COBL: variants seen among roughly 807,000 people sequenced by gnomAD.
COBL encodes the protein cordon-bleu WH2 repeat protein, also known as protein cordon-bleu.
Under a neutral mutation model 98.8 loss-of-function variants are expected in COBL, and 51 were observed. That is an observed-to-expected ratio of 0.52 (90% CI 0.41 to 0.65). COBL has a LOEUF of 0.65. COBL is among the 30% of genes least tolerant of loss of function. The pLI, the probability that COBL is intolerant of heterozygous loss-of-function variation, is 0.00. For synonymous variants in COBL, 634 were observed against 651.7 expected, an observed-to-expected ratio of 0.97 and a Z score of 0.41; for missense variants, 1,617 against 1,617.5, an observed-to-expected ratio of 1.00 and a Z score of 0.01.
intron 1 of COBL, among the ~76,000 whole-genome samples, chr7:51,315,613 G>GGCGA (rs1031983836): frequency 1.3e-5 from 2 of 149,800 alleles, no homozygotes; most frequent in African/African-American, 4.8e-5. Context: ...ATTTGCTCCA[G>GGCGA]GCGAGCGAGC....
intron 5 of COBL, among the ~76,000 whole-genome samples, chr7:51,140,949 A>T (rs913418519): frequency 3.3e-5 from 5 of 152,128 alleles, no homozygotes; most frequent in Non-Finnish European, 7.4e-5. Context: ...AAAATTCTTG[A>T]AGATATCCTC....
intron 7 of COBL, among the ~76,000 whole-genome samples, chr7:51,049,196 G>A (rs1204760452): frequency 1.3e-5 from 2 of 152,088 alleles, no homozygotes; most frequent in East Asian, 3.9e-4. Flanking sequence ...AAAAAGATTC[G>A]CCACCAACTC....
intron 7 of COBL, among the ~76,000 whole-genome samples, chr7:51,063,136 CTCTT>C (rs893064174): frequency 1.4e-5 from 1 of 71,486 alleles, no homozygotes; most frequent in African/African-American, 6.1e-5. Flanking sequence ...CATTTTCTCT[CTCTT>C]TTTTTTTTTT....
intron 1 of COBL, among the ~76,000 whole-genome samples, chr7:51,255,859 C>T (rs778360933): frequency 2.6e-5 from 4 of 152,118 alleles, no homozygotes; most frequent in Non-Finnish European, 5.9e-5. Context: ...CTCAGCTGAC[C>T]GATGAGACTC....
chr7:51,274,232 C>T lies in COBL; in HGVS notation c.41+42361G>A, dbSNP rs924907938. On this transcript the variant is annotated intron_variant, in intron 1 of 12. Transcript: ENST00000265136. The stretch of plus-strand genomic sequence containing the variant: ...CTCACACCCAGCCTTGCTGCAACGC[C>T]TTCCCTCCCAAACACACCTTCCCTC... 2.0e-5 allele frequency among the ~76,000 whole-genome samples: 3 copies of T among 152,182 alleles called. No homozygotes were observed. The East Asian group carries it at 5.8e-4, about 29-fold the overall frequency.
chr7:51,138,661 C>T (rs1414127066), intron 5 of COBL, among the ~76,000 whole-genome samples: 1 of 151,966 alleles, frequency 6.6e-6, no homozygotes, highest in East Asian at 1.9e-4. Flanking sequence ...TGCACACACT[C>T]ACGCACATGT....
chr7:51,085,332 AT>A (rs1562890299), intron 6 of COBL, 28 bp from the exon 7 acceptor site: 1 of 499,832 alleles, frequency 2.0e-6, no homozygotes, highest in Admixed American at 6.2e-5. Flanking sequence ...GGAAAGTACA[AT>A]CAAAGTACTT....
At chr7:51,159,944 G>A (rs1002508258) in intron 5 of COBL, among the ~76,000 whole-genome samples, 7 of 152,210 alleles carry the variant, frequency 4.6e-5, no homozygotes, top group African/African-American at 1.7e-4. Flanking sequence ...CCAGGCTGGA[G>A]TGCAATGGCA....
intron 7 of COBL, among the ~76,000 whole-genome samples, chr7:51,067,608 G>GGA (rs1792075212): frequency 6.6e-6 from 1 of 152,156 alleles, no homozygotes; most frequent in East Asian, 1.9e-4. Context: ...CAGAGGATGG[G>GGA]GAGTCAGCCA....
At chr7:51,256,504 G>A (rs1251372149) in intron 1 of COBL, among the ~76,000 whole-genome samples, 3 of 152,208 alleles carry the variant, frequency 2.0e-5, no homozygotes, top group East Asian at 1.9e-4. Context: ...CCACACCCAC[G>A]TGGGCCTGGG....
intron 1 of COBL, among the ~76,000 whole-genome samples, chr7:51,309,099 G>A (rs780364893): frequency 2.6e-5 from 4 of 152,114 alleles, no homozygotes; most frequent in Non-Finnish European, 5.9e-5. Flanking sequence ...TAACACCTAC[G>A]TTCCCCCGGC....
In COBL at chr7:51,315,312, T is replaced by C. The variant is rs373488909; in HGVS notation, c.41+1281A>G. On this transcript the variant is annotated intron_variant, in intron 1 of 12. Transcript: ENST00000265136. ...AAACTTCTTTTTAACATTCCTCAGC[T>C]TCAGGATTATTTGATTTGCTAACCT... Among the ~76,000 whole-genome samples the C allele has an allele frequency of 2.6e-4, 40 of 151,256 alleles. No homozygotes were observed. In the South Asian group the frequency reaches 7.9e-3, roughly 30 times the overall value.
At chr7:51,308,300 T>A (rs956950941) in intron 1 of COBL, among the ~76,000 whole-genome samples, 2 of 152,196 alleles carry the variant, frequency 1.3e-5, no homozygotes, top group African/African-American at 4.8e-5. Flanking sequence ...TATTTTTAAA[T>A]ACAACTCCCA....
chr7:51,260,056 T>A (rs1797582798), intron 1 of COBL: 1 of 991,188 alleles, frequency 1.0e-6, no homozygotes, highest in East Asian at 2.4e-5. Context: ...TGCTCCTTCT[T>A]CTCCAAAAGT....
intron 6 of COBL, among the ~76,000 whole-genome samples, chr7:51,091,242 A>C (rs987854517): frequency 6.6e-6 from 1 of 152,256 alleles, no homozygotes; most frequent in Admixed American, 6.5e-5. Flanking sequence ...AAAAAATTAA[A>C]GTTCAGTGCA....
chr7:51,283,446 C>T (rs1279353233), intron 1 of COBL, among the ~76,000 whole-genome samples: 1 of 152,108 alleles, frequency 6.6e-6, no homozygotes, highest in African/African-American at 2.4e-5. Flanking sequence ...ATAGATAATT[C>T]AAATGTACCC....
chr7:51,263,178 G>C (rs1797872328), intron 1 of COBL, among the ~76,000 whole-genome samples: 1 of 151,852 alleles, frequency 6.6e-6, no homozygotes, highest in Admixed American at 6.6e-5. Flanking sequence ...CTGGGAGCAG[G>C]TCCTACCTGT....
At chr7:51,224,328 AAACACTGCGTAC>A (rs1793963468) in intron 1 of COBL, among the ~76,000 whole-genome samples, 1 of 152,136 alleles carries the variant, frequency 6.6e-6, no homozygotes, top group Non-Finnish European at 1.5e-5. Context: ...TGCTTACAAG[AAACACTGCGTAC>A]TTATAAAAGC....
intron 5 of COBL, among the ~76,000 whole-genome samples, chr7:51,168,186 A>C (rs1787509439): frequency 6.6e-6 from 1 of 152,204 alleles, no homozygotes; most frequent in African/African-American, 2.4e-5. Flanking sequence ...TAATAACCAG[A>C]ATATATAAGG....
Sources: allele counts gnomAD v4.1 joint callset (sites outside exome capture counted in the v4.1 genomes callset), GRCh38; gene constraint gnomAD v4.1.1; transcripts MANE v1.5; gene names NCBI Gene and HGNC (gene_info 2026-07-23, HGNC 2026-07-21).